Variants in IL1RAPL1 observed in about 807,000 individuals in gnomAD.
IL1RAPL1 encodes interleukin 1 receptor accessory protein like 1.
IL1RAPL1 carries 3 observed loss-of-function variants against 48.4 expected under a neutral mutation model. The observed-to-expected ratio is 0.06, with a 90% CI of 0.03 to 0.16. IL1RAPL1 has a LOEUF of 0.16. IL1RAPL1 is among the 10% of genes least tolerant of loss of function. The probability of loss-of-function intolerance (pLI) is 1.00; values close to 1 mark genes in which losing one functional copy is unlikely to be tolerated. For missense variants in IL1RAPL1, 349 were observed against 530.6 expected (o/e 0.66, Z 3.36); for synonymous variants, 185 against 187.7 (o/e 0.99, Z 0.12).
At chrX:29,616,322 T>A (rs1249297653) in intron 5 of IL1RAPL1, among the ~76,000 whole-genome samples, 1 of 61,986 alleles carries the variant, frequency 1.6e-5, no homozygotes, top group Admixed American at 1.7e-4. Context: ...CCAGGAGGGA[T>A]TCTTTTTTTT....
intron 6 of IL1RAPL1, among the ~76,000 whole-genome samples, chrX:29,730,051 CAGA>C (rs1355497050): frequency 8.0e-5 from 9 of 111,982 alleles, no homozygotes; most frequent in Non-Finnish European, 1.9e-5. Context: ...CAATGCTGTT[CAGA>C]AGGAGAGTTG....
At chrX:29,275,558 T>C (rs1932105702) in intron 2 of IL1RAPL1, among the ~76,000 whole-genome samples, 2 of 112,364 alleles carry the variant, frequency 1.8e-5, no homozygotes, top group African/African-American at 6.5e-5. Context: ...CTTTCTTAAA[T>C]CCTTTTTGAT....
intron 6 of IL1RAPL1, among the ~76,000 whole-genome samples, chrX:29,859,496 A>G (rs993128971): frequency 7.1e-5 from 8 of 111,926 alleles, no homozygotes; most frequent in Non-Finnish European, 1.5e-4. Context: ...ACACCTCTGA[A>G]TGTGATTTTT....
At chrX:29,865,772 G>T (rs1374442106) in intron 6 of IL1RAPL1, among the ~76,000 whole-genome samples, 2 of 104,581 alleles carry the variant, frequency 1.9e-5, no homozygotes, top group Non-Finnish European at 1.9e-5. Flanking sequence ...GAGTGGCTGG[G>T]ATTACAGGTG....
chrX:29,140,843 A>T, intron 2 of IL1RAPL1, among the ~76,000 whole-genome samples: 1 of 111,069 alleles, frequency 9.0e-6, no homozygotes, highest in Non-Finnish European at 1.9e-5. Flanking sequence ...CCATCGATGA[A>T]GGTGTAGCCT....
At chrX:29,841,683 A>G (rs772609249) in intron 6 of IL1RAPL1, among the ~76,000 whole-genome samples, 20 of 111,652 alleles carry the variant, frequency 1.8e-4, no homozygotes, top group African/African-American at 5.5e-4. Context: ...TAAGAACTAT[A>G]CAAGCAGTAT....
At chrX:28,867,094 C>A (rs1601937550) in intron 2 of IL1RAPL1, among the ~76,000 whole-genome samples, 1 of 107,749 alleles carries the variant, frequency 9.3e-6, no homozygotes, top group Non-Finnish European at 1.9e-5. Context: ...AGTAAAATGG[C>A]CATGGAAAAT....
rs1046274504 is a variant in IL1RAPL1, at chrX:29,198,395, C to G, written c.83-84543C>G. Among the ~76,000 whole-genome samples, 6 of 109,992 alleles carry G rather than the reference C, an allele frequency of 5.5e-5. No individual in the cohort carries two copies. In the South Asian group the frequency reaches 2.4e-3, roughly 44 times the overall value. ...CACTGCAGTCACCGCCTCCCAGGTT[C>G]AAGCAATTCTCTGCCTCAGGCTCCC... is the stretch of plus-strand genomic sequence containing the variant. On this transcript the variant is annotated intron_variant, in intron 2 of 10. Transcript: ENST00000378993.
At chrX:29,586,812 A>G (rs1923181384) in intron 5 of IL1RAPL1, among the ~76,000 whole-genome samples, 1 of 111,064 alleles carries the variant, frequency 9.0e-6, no homozygotes, top group Admixed American at 9.7e-5. Flanking sequence ...GGATTATTTT[A>G]TTAATTTCTT....
chrX:28,742,189 G>A (rs1281441925), intron 1 of IL1RAPL1, among the ~76,000 whole-genome samples: 1 of 110,842 alleles, frequency 9.0e-6, no homozygotes, highest in African/African-American at 3.3e-5. Context: ...AGCCGAAAAT[G>A]GTCAAACTAA....
At chrX:29,881,956 G>A (rs1300093573) in intron 6 of IL1RAPL1, among the ~76,000 whole-genome samples, 1 of 111,599 alleles carries the variant, frequency 9.0e-6, no homozygotes, top group African/African-American at 3.2e-5. Context: ...CATTGTAAGA[G>A]ACAATTGGTT....
intron 2 of IL1RAPL1, among the ~76,000 whole-genome samples, chrX:29,207,887 A>C (rs1167879459): frequency 1.8e-5 from 2 of 112,143 alleles, no homozygotes; most frequent in African/African-American, 6.5e-5. Context: ...TAAGCAGTTA[A>C]AATAGCTTAA....
chrX:29,856,580 T>C (rs1931481284), intron 6 of IL1RAPL1, among the ~76,000 whole-genome samples: 2 of 111,942 alleles, frequency 1.8e-5, no homozygotes, highest in South Asian at 3.7e-4. Context: ...AACATTACCA[T>C]AAAAACAACT....
At position 29,811,440 on chromosome X, in the gene IL1RAPL1, GTT is replaced by G. The variant is rs749611607; in HGVS notation, c.779-106011_779-106010del. 2.1e-3 allele frequency among the ~76,000 whole-genome samples: 201 copies of G among 97,970 alleles called. 1 individual carries two copies. The highest frequency in any genetic ancestry group is 7.0e-3 in the African/African-American group (189 of 26,989). 85.1% of individuals were successfully genotyped at this position (97,970 alleles called of 115,157 possible). On this transcript the variant is annotated intron_variant, in intron 6 of 10. Coordinates refer to ENST00000378993, the MANE Select transcript of IL1RAPL1 (RefSeq NM_014271.4). ...GACTAAGTCAGTCTAGCCTTTTCAC[GTT>G]TTTTTTTTTTTTCTGCCTGCTTTAT...
chrX:28,627,214 G>T (rs1934349275), intron 1 of IL1RAPL1, among the ~76,000 whole-genome samples: 1 of 111,943 alleles, frequency 8.9e-6, no homozygotes, highest in Admixed American at 9.5e-5. Context: ...AAATGCTAAA[G>T]AAAATGGCCT....
intron 2 of IL1RAPL1, among the ~76,000 whole-genome samples, chrX:28,867,277 G>A (rs1261257999): frequency 3.6e-5 from 4 of 111,813 alleles, no homozygotes; most frequent in South Asian, 7.5e-4. Flanking sequence ...AATAGAGCAT[G>A]CCTTTCGTTT....
intron 5 of IL1RAPL1, among the ~76,000 whole-genome samples, chrX:29,446,752 T>C (rs1934616658): frequency 9.0e-6 from 1 of 111,529 alleles, no homozygotes; most frequent in Admixed American, 9.6e-5. Context: ...AGAAACCAGT[T>C]ATACTTTGTG....
At chrX:28,858,887 G>A (rs767275562) in intron 2 of IL1RAPL1, among the ~76,000 whole-genome samples, 3 of 112,428 alleles carry the variant, frequency 2.7e-5, no homozygotes, top group Non-Finnish European at 5.6e-5. Context: ...ACATTTGTTT[G>A]TTGTCTGCTC....
intron 2 of IL1RAPL1, among the ~76,000 whole-genome samples, chrX:29,268,301 A>G (rs1216817171): frequency 1.8e-5 from 2 of 112,365 alleles, no homozygotes; most frequent in African/African-American, 6.4e-5. Flanking sequence ...GTATTTTCCA[A>G]TTTACAGAAT....
Sources: gnomAD v4.1 joint callset for allele counts (sites outside exome capture counted in the v4.1 genomes callset) on GRCh38, gnomAD v4.1.1 for gene constraint, MANE v1.5 for transcripts, NCBI Gene and HGNC (gene_info 2026-07-23, HGNC 2026-07-21) for gene names.